The following ABHD17B variants were observed in gnomAD, a reference collection of about 807,000 sequenced individuals.
The protein encoded by ABHD17B is abhydrolase domain containing 17B, depalmitoylase.
In ABHD17B, 9 loss-of-function variants were observed where a neutral mutation model predicts 26.2. That is an observed-to-expected ratio of 0.34 (90% CI 0.21 to 0.60). The LOEUF is 0.60. ABHD17B is among the 20% of genes least tolerant of loss of function. ABHD17B has a pLI of 0.80. For missense variants in ABHD17B, 224 were observed against 352.1 expected (o/e 0.64, Z 2.91); for synonymous variants, 127 against 122.3 (o/e 1.04, Z -0.25).
chr9:71,892,241 C>T (rs879885241), intron 1 of ABHD17B, among the ~76,000 whole-genome samples: 2 of 151,896 alleles, frequency 1.3e-5, no homozygotes, highest in Non-Finnish European at 2.9e-5. Flanking sequence ...CTACTAAAAA[C>T]AAAGCTCCTG....
intron 1 of ABHD17B, among the ~76,000 whole-genome samples, chr9:71,902,130 A>C (rs1827161379): frequency 6.6e-6 from 1 of 152,052 alleles, no homozygotes; most frequent in Admixed American, 6.5e-5. Context: ...CCTTCAAATA[A>C]ATGAAACTTT....
rs767531812 is a variant in ABHD17B at position 71,874,600 on chromosome 9, C to T, written c.467+14G>A. 5 of 1,524,068 alleles carry T rather than the reference C, an allele frequency of 3.3e-6. No homozygotes were observed. The highest frequency in any genetic ancestry group is 2.6e-5 in the South Asian group (2 of 75,494). 94.4% of individuals were successfully genotyped at this position (1,524,068 alleles called of 1,614,324 possible). A position where few individuals can be genotyped will look rare whatever the true frequency, so the allele number is the denominator to read the frequency against. ...CACCACGAGTATGAAAAATAAATTC[C>T]AACCACAATTTACCTTGTCCTAAGA... On this transcript the variant is annotated intron_variant, in intron 2 of 3. Transcript: ENST00000333421.
chr9:71,872,882 C>T (rs1389095284), intron 2 of ABHD17B, among the ~76,000 whole-genome samples: 1 of 151,904 alleles, frequency 6.6e-6, no homozygotes, highest in Admixed American at 6.6e-5. Flanking sequence ...TTTCCTTATT[C>T]CCCATATTTA....
At chr9:71,878,109 G>A (rs1027712692) in intron 1 of ABHD17B, among the ~76,000 whole-genome samples, 5 of 151,118 alleles carry the variant, frequency 3.3e-5, no homozygotes, top group African/African-American at 1.2e-4. Context: ...GTGTGAGCAA[G>A]TTACTGAAGA....
intron 1 of ABHD17B, among the ~76,000 whole-genome samples, chr9:71,890,105 TA>T (rs1438043381): frequency 2.0e-5 from 3 of 147,404 alleles, no homozygotes; most frequent in East Asian, 1.9e-4. Flanking sequence ...CTACTAAAAA[TA>T]AAAATAAATA....
At chr9:71,906,030 CAG>C (rs959561138) in intron 1 of ABHD17B, among the ~76,000 whole-genome samples, 7 of 152,074 alleles carry the variant, frequency 4.6e-5, no homozygotes, top group African/African-American at 1.4e-4. Flanking sequence ...GCCTGGGCAA[CAG>C]AGTGAGAATC....
chr9:71,903,083 A>G (rs1468936135), intron 1 of ABHD17B, among the ~76,000 whole-genome samples: 2 of 152,178 alleles, frequency 1.3e-5, no homozygotes, highest in African/African-American at 4.8e-5. Context: ...TAATGTGACT[A>G]CATCCTCAAC....
chr9:71,907,614 C>T (rs1262404141), intron 1 of ABHD17B, among the ~76,000 whole-genome samples: 2 of 152,098 alleles, frequency 1.3e-5, no homozygotes, highest in Admixed American at 1.3e-4. Flanking sequence ...TGGGTTCAAG[C>T]GATTCTCCTG....
At chr9:71,890,221 C>CA (rs1467227734) in intron 1 of ABHD17B, among the ~76,000 whole-genome samples, 13 of 152,104 alleles carry the variant, frequency 8.5e-5, no homozygotes, top group African/African-American at 3.1e-4. Context: ...GCCCAGGAGA[C>CA]AGAGGTTGCA....
chr9:71,891,568 T>G lies in ABHD17B; in HGVS notation c.-3-16485A>C, dbSNP rs577010262. 9.8e-4 allele frequency among the ~76,000 whole-genome samples: 150 copies of G among 152,332 alleles called. 1 individual carries two copies. Among genetic ancestry groups the G allele is most frequent in the Middle Eastern group, 6.8e-3 (2 of 294 alleles). On this transcript the variant is annotated intron_variant, in intron 1 of 3. Coordinates refer to ENST00000333421, the MANE Select transcript of ABHD17B (RefSeq NM_001025780.3). ...TGCTTCTTTCTTGACTGTTCATATT[T>G]CTAAGCAAAGAACTAAATTGGGTTT...
Position 71,891,465 on chromosome 9 carries a change from A to G in ABHD17B, c.-3-16382T>C, listed in dbSNP as rs556566785. On this transcript the variant is annotated intron_variant, in intron 1 of 3. Coordinates refer to ENST00000333421, the MANE Select transcript of ABHD17B (RefSeq NM_001025780.3). ...AATCCTAGGACTATCCACTATATCT[A>G]TAAAGCTTTTCTTTTTGTTCTCTTC... Among the ~76,000 whole-genome samples the G allele has an allele frequency of 2.6e-5, 4 of 152,270 alleles. No homozygotes were observed. The East Asian group carries it at 7.7e-4, about 29-fold the overall frequency.
chr9:71,898,638 T>TCAAACAAA (rs540545268), intron 1 of ABHD17B, among the ~76,000 whole-genome samples: 2 of 151,114 alleles, frequency 1.3e-5, no homozygotes, highest in African/African-American at 4.9e-5. Context: ...AAACTCTATT[T>TCAAACAAA]CAAACAAACA....
At chr9:71,903,213 T>C (rs1176141360) in intron 1 of ABHD17B, among the ~76,000 whole-genome samples, 1 of 152,094 alleles carries the variant, frequency 6.6e-6, no homozygotes, top group Non-Finnish European at 1.5e-5. Context: ...ATAGATAATA[T>C]TTTACCTATT....
intron 1 of ABHD17B, among the ~76,000 whole-genome samples, chr9:71,891,806 A>C (rs1034743028): frequency 6.6e-6 from 1 of 152,230 alleles, no homozygotes; most frequent in Non-Finnish European, 1.5e-5. Flanking sequence ...TGTTCTGTTT[A>C]TCTCTTCAAT....
intron 1 of ABHD17B, among the ~76,000 whole-genome samples, chr9:71,907,950 G>A (rs1391469497): frequency 6.6e-6 from 1 of 152,216 alleles, no homozygotes; most frequent in Non-Finnish European, 1.5e-5. Flanking sequence ...TCTTGGGCAT[G>A]AACAGGTGTT....
chr9:71,871,597 G>A (rs1018595442), intron 2 of ABHD17B, among the ~76,000 whole-genome samples: 12 of 152,206 alleles, frequency 7.9e-5, no homozygotes, highest in African/African-American at 2.9e-4. Context: ...GCTACAGCTA[G>A]CAATGACAAT....
chr9:71,882,412 A>G (rs1179671393), intron 1 of ABHD17B, among the ~76,000 whole-genome samples: 1 of 152,276 alleles, frequency 6.6e-6, no homozygotes, highest in African/African-American at 2.4e-5. Context: ...TAATCCCAGT[A>G]CTTTGGGAGG....
intron 1 of ABHD17B, among the ~76,000 whole-genome samples, chr9:71,901,633 A>G (rs1377294889): frequency 1.3e-5 from 2 of 152,076 alleles, no homozygotes; most frequent in East Asian, 3.8e-4. Context: ...CTAAATCTCT[A>G]AGATTTCAGG....
intron 1 of ABHD17B, chr9:71,902,322 T>C (rs1827167380): frequency 6.6e-6 from 1 of 152,170 alleles, no homozygotes; most frequent in Non-Finnish European, 1.5e-5. Context: ...TAGAATCTAA[T>C]GAAAAATGGA....
Sources: gnomAD v4.1 joint callset for allele counts (sites outside exome capture counted in the v4.1 genomes callset) on GRCh38, gnomAD v4.1.1 for gene constraint, MANE v1.5 for transcripts, NCBI Gene and HGNC (gene_info 2026-07-23, HGNC 2026-07-21) for gene names.